NRG3: variants seen among roughly 807,000 people sequenced by gnomAD.
The protein encoded by NRG3 is neuregulin 3.
In NRG3, 31 loss-of-function variants were observed where a neutral mutation model predicts 66.9. The ratio of observed to expected loss-of-function variants is 0.46; its 90% CI spans 0.35 to 0.63. The LOEUF is 0.63. NRG3 is among the 20% of genes least tolerant of loss of function. The probability of loss-of-function intolerance (pLI) is 0.00; values close to 1 mark genes in which losing one functional copy is unlikely to be tolerated. For missense variants in NRG3, 910 were observed against 878.9 expected (o/e 1.04, Z -0.45); for synonymous variants, 393 against 359.4 (o/e 1.09, Z -1.06).
chr10:82,809,296 T>A (rs2061405252), intron 3 of NRG3, among the ~76,000 whole-genome samples: 1 of 152,152 alleles, frequency 6.6e-6, no homozygotes, highest in Admixed American at 6.6e-5. Context: ...AGATATGGGA[T>A]TTGAACCAAA....
intron 1 of NRG3, among the ~76,000 whole-genome samples, chr10:82,263,660 G>C (rs1468130130): frequency 6.6e-6 from 1 of 151,850 alleles, no homozygotes; most frequent in Non-Finnish European, 1.5e-5. Flanking sequence ...GTTTTTCCAG[G>C]ATTTACGTCT....
At chr10:82,092,306 TG>T (rs1249330419) in intron 1 of NRG3, among the ~76,000 whole-genome samples, 1 of 152,154 alleles carries the variant, frequency 6.6e-6, no homozygotes, top group African/African-American at 2.4e-5. Context: ...TATGCCATGT[TG>T]TCTAATGCGT....
chr10:82,021,468 A>G (rs1011057571), intron 1 of NRG3, among the ~76,000 whole-genome samples: 1 of 152,102 alleles, frequency 6.6e-6, no homozygotes, highest in Non-Finnish European at 1.5e-5. Flanking sequence ...CATCTTAGCA[A>G]TTAACAGAAG....
chr10:81,910,059 A>G (rs1489751879), intron 1 of NRG3, among the ~76,000 whole-genome samples: 1 of 152,200 alleles, frequency 6.6e-6, no homozygotes, highest in Non-Finnish European at 1.5e-5. Context: ...ATCTAAACTC[A>G]TATTCAGATA....
At chr10:82,037,185 A>T (rs994748344) in intron 1 of NRG3, among the ~76,000 whole-genome samples, 10 of 152,140 alleles carry the variant, frequency 6.6e-5, no homozygotes, top group African/African-American at 2.4e-4. Flanking sequence ...AAGCTTCTGG[A>T]TGGAGTCAGA....
In NRG3 at chr10:82,032,229, A is replaced by T. The variant is rs1001897079; in HGVS notation, c.823+156066A>T. Reference sequence around the variant, plus strand: ...GATGGACCTGCAAACTTCATTTATTATAAGACAATGAGAAGTTATTATTCT... The same window carrying T: ...GATGGACCTGCAAACTTCATTTATTTTAAGACAATGAGAAGTTATTATTCT... On this transcript the variant is annotated intron_variant, in intron 1 of 8. Coordinates refer to ENST00000372141, the MANE Select transcript of NRG3 (RefSeq NM_001010848.4). 2.0e-5 allele frequency among the ~76,000 whole-genome samples: 3 copies of T among 151,768 alleles called. No individual in the cohort carries two copies. The East Asian group carries it at 5.8e-4, about 29-fold the overall frequency.
At chr10:82,139,499 A>G (rs1049790721) in intron 1 of NRG3, among the ~76,000 whole-genome samples, 10 of 152,152 alleles carry the variant, frequency 6.6e-5, no homozygotes, top group Non-Finnish European at 1.2e-4. Flanking sequence ...CTTTAATTGT[A>G]CTGAACTGAC....
intron 2 of NRG3, among the ~76,000 whole-genome samples, chr10:82,727,977 T>C (rs1041323676): frequency 1.3e-5 from 2 of 152,164 alleles, no homozygotes; most frequent in African/African-American, 4.8e-5. Context: ...ATTTTGGACT[T>C]GCATGGGACC....
intron 1 of NRG3, among the ~76,000 whole-genome samples, chr10:82,357,171 G>C (rs912714859): frequency 4.9e-4 from 74 of 152,316 alleles, no homozygotes; most frequent in African/African-American, 1.8e-3. Context: ...TGGGGAAATA[G>C]AATGATAGTT....
At chr10:82,638,709 C>A (rs928426535) in intron 2 of NRG3, among the ~76,000 whole-genome samples, 1 of 151,594 alleles carries the variant, frequency 6.6e-6, no homozygotes, top group African/African-American at 2.4e-5. Context: ...TGCAGTGGTG[C>A]GATCTCAGCT....
chr10:82,698,823 T>C (rs542789633), intron 2 of NRG3, among the ~76,000 whole-genome samples: 1 of 152,182 alleles, frequency 6.6e-6, no homozygotes, highest in Non-Finnish European at 1.5e-5. Flanking sequence ...CTTCTAATAG[T>C]ACTCAGTGCC....
At chr10:81,924,440 C>G (rs913767060) in intron 1 of NRG3, among the ~76,000 whole-genome samples, 1 of 152,200 alleles carries the variant, frequency 6.6e-6, no homozygotes, top group African/African-American at 2.4e-5. Context: ...GGCTTTTCCT[C>G]CATGTACCCT....
At chr10:82,138,602 C>A (rs976581141) in intron 1 of NRG3, among the ~76,000 whole-genome samples, 4 of 152,116 alleles carry the variant, frequency 2.6e-5, no homozygotes, top group African/African-American at 9.7e-5. Flanking sequence ...CACATGATCA[C>A]AAGGTAAAGT....
intron 2 of NRG3, among the ~76,000 whole-genome samples, chr10:82,695,428 G>C (rs1276084777): frequency 6.6e-6 from 1 of 151,922 alleles, no homozygotes; most frequent in African/African-American, 2.4e-5. Context: ...AAATATAATA[G>C]GATCGCAGTT....
At chr10:82,869,099 G>A (rs1426262188) in intron 4 of NRG3, among the ~76,000 whole-genome samples, 1 of 152,142 alleles carries the variant, frequency 6.6e-6, no homozygotes, top group East Asian at 1.9e-4. Context: ...GCTGGGAAGG[G>A]GAAATGTAGG....
intron 1 of NRG3, among the ~76,000 whole-genome samples, chr10:81,929,592 A>C (rs1214935035): frequency 6.6e-6 from 1 of 152,116 alleles, no homozygotes; most frequent in East Asian, 1.9e-4. Context: ...CTCTTTCCCA[A>C]GTTTAGGAAG....
rs1020492733 is a variant in NRG3 at position 82,455,707 on chromosome 10, C to T, written c.953+96839C>T. ...TCGGCTCACTGCAAGCTCCGCCTCC[C>T]GGGTTCACGCCATTCTCCTGCCTCA... On this transcript the variant is annotated intron_variant, in intron 2 of 8. Coordinates refer to ENST00000372141, the MANE Select transcript of NRG3 (RefSeq NM_001010848.4). Among the ~76,000 whole-genome samples, 8 of 151,874 alleles carry T rather than the reference C, an allele frequency of 5.3e-5. No individual in the cohort carries two copies. In the South Asian group the frequency reaches 1.0e-3, roughly 20 times the overall value.
At chr10:81,880,882 C>T (rs1842119809) in intron 1 of NRG3, among the ~76,000 whole-genome samples, 1 of 152,110 alleles carries the variant, frequency 6.6e-6, no homozygotes, top group Admixed American at 6.6e-5. Context: ...ACTGCGTTGA[C>T]AAATACATTT....
intron 2 of NRG3, among the ~76,000 whole-genome samples, chr10:82,644,267 GGA>G (rs1278580748): frequency 3.3e-5 from 5 of 152,012 alleles, no homozygotes; most frequent in Non-Finnish European, 7.4e-5. Context: ...TGCAGGAATG[GGA>G]TGCTTCCTGT....
Sources: allele counts gnomAD v4.1 joint callset (sites outside exome capture counted in the v4.1 genomes callset), GRCh38; gene constraint gnomAD v4.1.1; transcripts MANE v1.5; gene names NCBI Gene and HGNC (gene_info 2026-07-23, HGNC 2026-07-21).